The following RPH3A variants were observed in gnomAD, a reference collection of about 807,000 sequenced individuals.
RPH3A encodes the protein rabphilin 3A.
Under a neutral mutation model 102.2 loss-of-function variants are expected in RPH3A, and 48 were observed. The observed-to-expected ratio is 0.47, with a 90% confidence interval of 0.37 to 0.60. The LOEUF (loss-of-function observed/expected upper bound fraction) is 0.60. Ranked by LOEUF, RPH3A falls within the 20% of genes least tolerant of loss-of-function variation. The pLI is 0.00. For synonymous variants in RPH3A, 310 were observed against 324.3 expected (o/e 0.96, Z 0.47); for missense variants, 781 against 910.1 (o/e 0.86, Z 1.83).
At chr12:112,608,729 A>G (rs572381904) in intron 1 of RPH3A, among the ~76,000 whole-genome samples, 2 of 152,358 alleles carry the variant, frequency 1.3e-5, no homozygotes, top group African/African-American at 4.8e-5. Context: ...GGGGAGGCAG[A>G]CACACTATTC....
chr12:112,761,414 A>G (rs139408372), intron 1 of RPH3A, among the ~76,000 whole-genome samples: 2 of 152,366 alleles, frequency 1.3e-5, no homozygotes, highest in Non-Finnish European at 2.9e-5. Context: ...ATCTCCAAAA[A>G]TGTAAAGCAA....
chr12:112,604,906 T>C (rs1031000535), intron 1 of RPH3A, among the ~76,000 whole-genome samples: 61 of 152,336 alleles, frequency 4.0e-4, no homozygotes, highest in African/African-American at 1.4e-3. Context: ...GTGAGCAATC[T>C]GAGAGAGGCA....
intron 5 of RPH3A, among the ~76,000 whole-genome samples, chr12:112,862,827 G>A (rs986287604): frequency 1.3e-5 from 2 of 152,260 alleles, no homozygotes; most frequent in African/African-American, 4.8e-5. Context: ...GGGTGTGGCA[G>A]GAGCAACGAG....
intron 1 of RPH3A, among the ~76,000 whole-genome samples, chr12:112,761,909 T>C (rs1012565188): frequency 3.9e-5 from 6 of 152,208 alleles, no homozygotes; most frequent in African/African-American, 1.4e-4. Context: ...CAGAATGGTT[T>C]GGACTCCACA....
chr12:112,840,805 C>T (rs527947382), intron 4 of RPH3A, among the ~76,000 whole-genome samples: 57 of 152,216 alleles, frequency 3.7e-4, no homozygotes, highest in African/African-American at 1.4e-3. Flanking sequence ...CCGCTTCCAC[C>T]TCAAAGGCAG....
chr12:112,728,423 A>G (rs1304028645), intron 1 of RPH3A, among the ~76,000 whole-genome samples: 1 of 152,132 alleles, frequency 6.6e-6, no homozygotes, highest in Non-Finnish European at 1.5e-5. Flanking sequence ...AATCATGGAC[A>G]GGCATCAAAT....
chr12:112,727,406 A>AAT (rs1555204972), intron 1 of RPH3A, among the ~76,000 whole-genome samples: 37 of 122,910 alleles, frequency 3.0e-4, no homozygotes, highest in Non-Finnish European at 4.6e-4. Flanking sequence ...AAAAAAAAAA[A>AAT]ATATATATAT....
intron 1 of RPH3A, among the ~76,000 whole-genome samples, chr12:112,721,768 C>T (rs1053282928): frequency 1.3e-5 from 2 of 151,454 alleles, no homozygotes; most frequent in African/African-American, 4.9e-5. Context: ...TGAGATATGG[C>T]CACATTAGAT....
chr12:112,640,494 T>C (rs1028710681), intron 1 of RPH3A, among the ~76,000 whole-genome samples: 1 of 152,028 alleles, frequency 6.6e-6, no homozygotes, highest in African/African-American at 2.4e-5. Flanking sequence ...CTCCTTTCCC[T>C]GTCTTCTCCT....
intron 5 of RPH3A, among the ~76,000 whole-genome samples, chr12:112,857,689 C>G (rs887822753): frequency 6.6e-6 from 1 of 152,112 alleles, no homozygotes; most frequent in Admixed American, 6.5e-5. Context: ...GTTTAAGCCC[C>G]GAAGTTGTGA....
intron 16 of RPH3A, 90 bp from the exon 17 acceptor site, chr12:112,887,707 C>A: frequency 7.3e-7 from 1 of 1,369,816 alleles, no homozygotes; most frequent in Non-Finnish European, 1.0e-6. Context: ...ATTACACATT[C>A]CTTACCAGTA....
At chr12:112,822,089 C>T (rs1035388651) in intron 2 of RPH3A, among the ~76,000 whole-genome samples, 5 of 151,472 alleles carry the variant, frequency 3.3e-5, no homozygotes, top group African/African-American at 1.2e-4. Context: ...ATTTTCCACC[C>T]CATCAAATAG....
intron 1 of RPH3A, among the ~76,000 whole-genome samples, chr12:112,698,174 C>T (rs1457842686): frequency 6.6e-6 from 1 of 152,204 alleles, no homozygotes; most frequent in Non-Finnish European, 1.5e-5. Flanking sequence ...GTCTTTTCAA[C>T]AAATTGTGCT....
intron 1 of RPH3A, among the ~76,000 whole-genome samples, chr12:112,756,829 ACTG>A (rs1359523488): frequency 6.6e-6 from 1 of 152,242 alleles, no homozygotes; most frequent in African/African-American, 2.4e-5. Flanking sequence ...GTCAAATTAC[ACTG>A]CATAGGAACA....
intron 1 of RPH3A, among the ~76,000 whole-genome samples, chr12:112,602,585 C>A (rs1236302437): frequency 6.6e-6 from 1 of 152,040 alleles, no homozygotes; most frequent in African/African-American, 2.4e-5. Flanking sequence ...GCTCCCCTAC[C>A]CCAATCCAAA....
chr12:112,609,226 C>A (rs1219087690), intron 1 of RPH3A, among the ~76,000 whole-genome samples: 1 of 152,156 alleles, frequency 6.6e-6, no homozygotes, highest in Non-Finnish European at 1.5e-5. Context: ...TGCACGCCAC[C>A]ATGTCTGAGT....
At chr12:112,686,625 G>A (rs976391747) in intron 1 of RPH3A, among the ~76,000 whole-genome samples, 2 of 152,192 alleles carry the variant, frequency 1.3e-5, no homozygotes, top group Admixed American at 1.3e-4. Flanking sequence ...AGATATGCAA[G>A]TGAGGCCATC....
At chr12:112,797,874 A>G (rs2041264557) in intron 2 of RPH3A, among the ~76,000 whole-genome samples, 1 of 151,678 alleles carries the variant, frequency 6.6e-6, no homozygotes, top group Non-Finnish European at 1.5e-5. Flanking sequence ...TTTTTTGTGA[A>G]ATGGAGATCT....
At chr12:112,865,052 A>G (rs1373430805) in intron 5 of RPH3A, among the ~76,000 whole-genome samples, 3 of 152,226 alleles carry the variant, frequency 2.0e-5, no homozygotes, top group Non-Finnish European at 4.4e-5. Flanking sequence ...TGAGATGCCT[A>G]TGAAGACATC....
Sources: allele counts gnomAD v4.1 joint callset (sites outside exome capture counted in the v4.1 genomes callset), GRCh38; gene constraint gnomAD v4.1.1; transcripts MANE v1.5; gene names NCBI Gene and HGNC (gene_info 2026-07-23, HGNC 2026-07-21).